SPATA31C1: variants seen among roughly 807,000 people sequenced by gnomAD.
SPATA31C1 encodes spermatogenesis-associated protein 31C1.
chr9:87,916,853 C>T lies in SPATA31C1; in HGVS notation n.190-994C>T, dbSNP rs1243027624. ...TCTACCAAAAATACAAAAAATTAGC[C>T]GGGCGTGGTAGCACATGCCTGTAGT... is the stretch of plus-strand genomic sequence containing the variant. On this transcript the variant is annotated intron_variant and non_coding_transcript_variant, in intron 1 of 4. Coordinates refer to ENST00000420021, the Ensembl canonical transcript of SPATA31C1. Among the ~76,000 whole-genome samples, 5 of 70,846 alleles carry T rather than the reference C, an allele frequency of 7.1e-5. 1 individual carries two copies. The highest frequency in any genetic ancestry group is 3.1e-4 in the Admixed American group (2 of 6,498). 46.5% of individuals were successfully genotyped at this position (70,846 alleles called of 152,430 possible).
rs754063004 is a variant in SPATA31C1 at position 87,921,869 on chromosome 9, C to A, written n.2259C>A. ...TGTGTACTCAGCAGGTGCTGGAAGCCCATATTGTGAGGTTTTGGGCCAAAC... is the reference window on the plus strand; with the variant it reads ...TGTGTACTCAGCAGGTGCTGGAAGCACATATTGTGAGGTTTTGGGCCAAAC... On this transcript the variant is annotated non_coding_transcript_exon_variant, in exon 5 of 5. Transcript: ENST00000420021. 2.2e-5 allele frequency: 36 copies of A among 1,611,904 alleles called. 1 individual carries two copies. The highest frequency in any genetic ancestry group is 2.1e-4 in the South Asian group (19 of 90,994).
exon 5 of SPATA31C1, chr9:87,920,271 G>T: frequency 6.2e-7 from 1 of 1,613,692 alleles, no homozygotes; most frequent in African/African-American, 1.3e-5. Flanking sequence ...GCCACACCTT[G>T]AAAAAGGTGA....
exon 5 of SPATA31C1, chr9:87,922,169 C>T (rs1277132476): frequency 6.2e-7 from 1 of 1,613,126 alleles, no homozygotes; most frequent in Non-Finnish European, 8.5e-7. Context: ...CGCGAGGGAT[C>T]CCATCTTCAA....
chr9:87,920,569 A>T, exon 5 of SPATA31C1: 1 of 1,612,346 alleles, frequency 6.2e-7, no homozygotes, highest in Non-Finnish European at 8.5e-7. Flanking sequence ...CACCCACCAC[A>T]CACCCCTGAT....
exon 5 of SPATA31C1, chr9:87,921,793 A>G (rs1828878693): frequency 6.2e-7 from 1 of 1,612,032 alleles, no homozygotes; most frequent in Non-Finnish European, 8.5e-7. Context: ...GCAGCCCCGA[A>G]AAGTAGGAAA....
At chr9:87,920,078 G>C in intron 4 of SPATA31C1, 102 bp downstream of exon 3, 2 of 1,608,342 alleles carry the variant, frequency 1.2e-6, no homozygotes, top group Non-Finnish European at 1.7e-6. Flanking sequence ...AGACCAGGGG[G>C]ACAGAGGATG....
At chr9:87,920,171 G>A (rs1356267224) in intron 4 of SPATA31C1, 81 bp from the exon 4 acceptor site, 3 of 1,602,668 alleles carry the variant, frequency 1.9e-6, no homozygotes, top group East Asian at 2.2e-5. Context: ...GCGTGGTGGA[G>A]GGGCTGTGGC....
At chr9:87,922,356 T>C in exon 5 of SPATA31C1, 1 of 1,610,746 alleles carries the variant, frequency 6.2e-7, no homozygotes, top group Non-Finnish European at 8.5e-7. Context: ...CTTGGGAACC[T>C]GTATGAGAGC....
exon 5 of SPATA31C1, chr9:87,922,883 A>G (rs1828912902): frequency 6.2e-7 from 1 of 1,605,914 alleles, no homozygotes; most frequent in African/African-American, 1.3e-5. Context: ...GAAAAACAGA[A>G]GACACCCGTC....
intron 2 of SPATA31C1, 193 bp from the exon 2 acceptor site, chr9:87,919,062 A>G (rs1268169858): frequency 8.8e-6 from 8 of 906,422 alleles, no homozygotes; most frequent in South Asian, 1.4e-5. Flanking sequence ...GAGCCACCGC[A>G]CCCGACCCCC....
At chr9:87,917,333 C>A (rs1417411531) in intron 1 of SPATA31C1, among the ~76,000 whole-genome samples, 2 of 146,384 alleles carry the variant, frequency 1.4e-5, no homozygotes, top group Non-Finnish European at 3.1e-5. Flanking sequence ...AGGAGAATGG[C>A]TGGAACCCGG....
exon 5 of SPATA31C1, chr9:87,920,518 T>G: frequency 1.6e-5 from 26 of 1,613,676 alleles, no homozygotes; most frequent in Non-Finnish European, 2.2e-5. Context: ...CCTTCCCTTC[T>G]CCTAGAACGC....
intron 4 of SPATA31C1, 134 bp from the exon 4 acceptor site, chr9:87,920,118 G>A: frequency 6.2e-7 from 1 of 1,602,008 alleles, no homozygotes; most frequent in Non-Finnish European, 8.5e-7. Context: ...AGGGGTAGCA[G>A]GAGAATTGGG....
chr9:87,915,590 C>G (rs1197472101), intron 1 of SPATA31C1, among the ~76,000 whole-genome samples: 7 of 145,150 alleles, frequency 4.8e-5, no homozygotes, highest in Admixed American at 4.8e-4. Context: ...CATGAGCCAC[C>G]GCGCCCGGCT....
At chr9:87,919,373 G>C (rs754494359) in intron 3 of SPATA31C1, 25 bp downstream of exon 2, 3 of 1,590,224 alleles carry the variant, frequency 1.9e-6, no homozygotes, top group African/African-American at 1.4e-5. Flanking sequence ...GGGCACACTA[G>C]AGTTAATTTG....
exon 5 of SPATA31C1, chr9:87,921,871 A>G (rs1282928825): frequency 1.9e-6 from 3 of 1,611,926 alleles, no homozygotes; most frequent in African/African-American, 2.7e-5. Context: ...CTGGAAGCCC[A>G]TATTGTGAGG....
chr9:87,918,489 GTC>G (rs1300735500), intron 2 of SPATA31C1, among the ~76,000 whole-genome samples: 4 of 3,844 alleles, frequency 1.0e-3, no homozygotes, highest in Admixed American at 5.8e-3. Context: ...GAGACGGGAG[GTC>G]TCTGTCCGAG....
At chr9:87,923,184 G>T (rs1327095268) in exon 5 of SPATA31C1, 1 of 1,603,264 alleles carries the variant, frequency 6.2e-7, no homozygotes, top group South Asian at 1.1e-5. Context: ...GCAGTTTCAA[G>T]CCCCAGTCTG....
chr9:87,919,886 C>T (rs1474783366), intron 3 of SPATA31C1, 30 bp from the exon 3 acceptor site: 1 of 1,606,116 alleles, frequency 6.2e-7, no homozygotes, highest in Non-Finnish European at 8.5e-7. Flanking sequence ...AAGCCCCTCC[C>T]TCACTGCCCT....
Sources: gnomAD v4.1 joint callset for allele counts (sites outside exome capture counted in the v4.1 genomes callset) on GRCh38, gnomAD v4.1.1 for gene constraint, MANE v1.5 for transcripts, NCBI Gene and HGNC (gene_info 2026-07-23, HGNC 2026-07-21) for gene names.